R3HDM1: variants seen among roughly 807,000 people sequenced by gnomAD.
R3HDM1 encodes the protein R3H domain-containing protein 1.
A neutral mutation model predicts 141.1 loss-of-function variants in R3HDM1; 46 were observed. The ratio of observed to expected loss-of-function variants is 0.33; its 90% CI spans 0.26 to 0.42. The LOEUF (loss-of-function observed/expected upper bound fraction) is 0.42, where lower values mean the gene tolerates loss of function less well. R3HDM1 is among the 10% of genes least tolerant of loss of function. The pLI is 1.00. For missense variants in R3HDM1, 1,184 were observed against 1,368.3 expected (o/e 0.87, Z 2.12); for synonymous variants, 435 against 472.9 (o/e 0.92, Z 1.04).
At chr2:135,671,902 G>A (rs2068419831) in intron 19 of R3HDM1, among the ~76,000 whole-genome samples, 1 of 151,904 alleles carries the variant, frequency 6.6e-6, no homozygotes, top group Non-Finnish European at 1.5e-5. Flanking sequence ...CTTAAACCCA[G>A]GAGGTGGAGG....
intron 1 of R3HDM1, among the ~76,000 whole-genome samples, chr2:135,596,305 A>T (rs1389143802): frequency 1.3e-5 from 2 of 152,140 alleles, no homozygotes; most frequent in Non-Finnish European, 2.9e-5. Flanking sequence ...GCCTAATACT[A>T]AGCTTCTAAT....
intron 21 of R3HDM1, among the ~76,000 whole-genome samples, chr2:135,684,455 G>T (rs1441308602): frequency 6.6e-6 from 1 of 152,120 alleles, no homozygotes; most frequent in Non-Finnish European, 1.5e-5. Context: ...ATCATTAACT[G>T]TTGGACTCAA....
intron 1 of R3HDM1, chr2:135,536,475 T>C (rs16831814): frequency 0.022 from 19,191 of 857,864 alleles, 699 homozygotes; most frequent in African/African-American, 0.14. Flanking sequence ...TTGCACAGCA[T>C]GTTTAAATCA....
intron 24 of R3HDM1, among the ~76,000 whole-genome samples, chr2:135,718,808 G>A (rs1019375053): frequency 4.6e-5 from 7 of 151,950 alleles, no homozygotes; most frequent in African/African-American, 1.7e-4. Flanking sequence ...TTTCTCCTTC[G>A]TAATTCTCTA....
At chr2:135,655,986 G>A (rs1480367012) in intron 18 of R3HDM1, among the ~76,000 whole-genome samples, 1 of 152,008 alleles carries the variant, frequency 6.6e-6, no homozygotes. Flanking sequence ...AATGAGCATG[G>A]GATGTTTTTT....
At chr2:135,535,266 C>T (rs948397467) in intron 1 of R3HDM1, among the ~76,000 whole-genome samples, 11 of 151,974 alleles carry the variant, frequency 7.2e-5, no homozygotes, top group African/African-American at 2.2e-4. Context: ...TTTCGGAGAC[C>T]GAGGCAGGCA....
chr2:135,583,519 A>G (rs1707245164), intron 1 of R3HDM1, among the ~76,000 whole-genome samples: 1 of 152,204 alleles, frequency 6.6e-6, no homozygotes, highest in Non-Finnish European at 1.5e-5. Context: ...ATCTTGTTCA[A>G]TGACCATCTC....
rs1286631299 is a variant in R3HDM1 at position 135,710,744 on chromosome 2, T to G, written c.2736+513T>G. Among the ~76,000 whole-genome samples, 9 of 152,366 alleles carry G rather than the reference T, an allele frequency of 5.9e-5. No individual in the cohort carries two copies. In the East Asian group the frequency reaches 1.7e-3, roughly 29 times the overall value. ...AAAAGTGTTTTCTAACTTAAAAAGA[T>G]AAACTAGATCTAAAATTTGGTGAAG... On this transcript the variant is annotated intron_variant, in intron 23 of 26. Transcript: ENST00000683871.
chr2:135,560,222 T>C (rs1701549110), intron 1 of R3HDM1, among the ~76,000 whole-genome samples: 1 of 152,244 alleles, frequency 6.6e-6, no homozygotes. Context: ...AATTGAAGGC[T>C]GTGTAAACCA....
At chr2:135,654,442 G>A (rs1224789364) in intron 18 of R3HDM1, among the ~76,000 whole-genome samples, 1 of 151,160 alleles carries the variant, frequency 6.6e-6, no homozygotes, top group Admixed American at 6.6e-5. Flanking sequence ...TGTTGTTGTT[G>A]TTGTTGTTGT....
At chr2:135,599,333 CTT>C (rs1300450845) in intron 1 of R3HDM1, among the ~76,000 whole-genome samples, 3 of 152,094 alleles carry the variant, frequency 2.0e-5, no homozygotes, top group African/African-American at 7.2e-5. Context: ...ATCCATCTCT[CTT>C]AGGTTGACAA....
chr2:135,683,965 C>CATACATAT (rs1228688768), intron 21 of R3HDM1, among the ~76,000 whole-genome samples: 1 of 151,472 alleles, frequency 6.6e-6, no homozygotes, highest in African/African-American at 2.4e-5. Context: ...TACATACATA[C>CATACATAT]ATACATACAT....
intron 20 of R3HDM1, 61 bp from the exon 21 acceptor site, chr2:135,680,112 T>G: frequency 6.7e-7 from 1 of 1,501,388 alleles, no homozygotes; most frequent in Non-Finnish European, 9.1e-7. Context: ...GTTGAAAACA[T>G]AAACATTTAC....
intron 19 of R3HDM1, among the ~76,000 whole-genome samples, chr2:135,668,266 T>A (rs2067822799): frequency 6.6e-6 from 1 of 152,260 alleles, no homozygotes. Context: ...AGCCTGTTAA[T>A]GCCTGTTGAG....
intron 5 of R3HDM1, among the ~76,000 whole-genome samples, chr2:135,617,534 T>C (rs961372565): frequency 3.9e-5 from 6 of 152,166 alleles, no homozygotes; most frequent in Admixed American, 3.9e-4. Flanking sequence ...GGCTCTTTAA[T>C]AGTTATCTAG....
At chr2:135,580,599 G>T (rs576040005) in intron 1 of R3HDM1, among the ~76,000 whole-genome samples, 17 of 152,234 alleles carry the variant, frequency 1.1e-4, no homozygotes, top group Middle Eastern at 6.8e-3. Context: ...ATCTGTACAT[G>T]TCACTCTCCT....
At chr2:135,651,014 T>C (rs969277314) in intron 17 of R3HDM1, 32 of 985,318 alleles carry the variant, frequency 3.2e-5, no homozygotes, top group Non-Finnish European at 3.9e-5. Context: ...CCTTATCCTG[T>C]TGAATTAGAG....
chr2:135,689,155 T>C (rs778990761), intron 21 of R3HDM1, among the ~76,000 whole-genome samples: 1 of 152,174 alleles, frequency 6.6e-6, no homozygotes, highest in African/African-American at 2.4e-5. Flanking sequence ...GAGCCAAGAA[T>C]TGAAACCCTC....
At chr2:135,570,995 T>C (rs889062364) in intron 1 of R3HDM1, among the ~76,000 whole-genome samples, 2 of 152,238 alleles carry the variant, frequency 1.3e-5, no homozygotes, top group South Asian at 2.1e-4. Context: ...AATATACTTA[T>C]TAGCATTTTT....
Sources: gnomAD v4.1 joint callset for allele counts (sites outside exome capture counted in the v4.1 genomes callset) on GRCh38, gnomAD v4.1.1 for gene constraint, MANE v1.5 for transcripts, NCBI Gene and HGNC (gene_info 2026-07-23, HGNC 2026-07-21) for gene names.